EPHA5: variants seen among roughly 807,000 people sequenced by gnomAD.
EPHA5 encodes ephrin type-A receptor 5.
In EPHA5, 60 loss-of-function variants were observed where a neutral mutation model predicts 105.0. That is an observed-to-expected ratio of 0.57 (90% confidence interval 0.46 to 0.71). The LOEUF (loss-of-function observed/expected upper bound fraction) is 0.71, where lower values mean the gene tolerates loss of function less well. Ranked by LOEUF, EPHA5 falls within the 30% of genes least tolerant of loss-of-function variation. The pLI, the probability that EPHA5 is intolerant of heterozygous loss-of-function variation, is 0.00. For missense variants in EPHA5, 1,218 were observed against 1,274.7 expected (o/e 0.96, Z 0.68); for synonymous variants, 513 against 449.1 (o/e 1.14, Z -1.80).
intron 2 of EPHA5, among the ~76,000 whole-genome samples, chr4:65,607,224 C>T (rs1328631125): frequency 1.3e-5 from 2 of 151,772 alleles, no homozygotes; most frequent in African/African-American, 4.8e-5. Context: ...ACCATAAAAA[C>T]CCTAGAAGAA....
At chr4:65,551,276 G>GTA (rs1560685621) in intron 3 of EPHA5, among the ~76,000 whole-genome samples, 3 of 100,610 alleles carry the variant, frequency 3.0e-5, no homozygotes, top group African/African-American at 1.2e-4. Flanking sequence ...GTGTGTGTGT[G>GTA]TGTGTATATA....
chr4:65,381,831 T>C (rs1485307220), intron 8 of EPHA5, among the ~76,000 whole-genome samples: 1 of 151,590 alleles, frequency 6.6e-6, no homozygotes, highest in Non-Finnish European at 1.5e-5. Context: ...CCTTGTCCCT[T>C]CCCTCCATAT....
At chr4:65,526,224 T>C (rs1014134357) in intron 3 of EPHA5, among the ~76,000 whole-genome samples, 1 of 151,892 alleles carries the variant, frequency 6.6e-6, no homozygotes, top group African/African-American at 2.4e-5. Flanking sequence ...AGGACTATAA[T>C]TGTCCCAGAC....
intron 2 of EPHA5, among the ~76,000 whole-genome samples, chr4:65,637,836 C>A (rs1747287683): frequency 6.6e-6 from 1 of 151,642 alleles, no homozygotes. Flanking sequence ...TATTACAAGC[C>A]AGAAATTGAG....
chr4:65,563,008 A>C (rs1739174718), intron 3 of EPHA5, among the ~76,000 whole-genome samples: 2 of 151,888 alleles, frequency 1.3e-5, no homozygotes, highest in Non-Finnish European at 1.5e-5. Context: ...ATAAGGATAA[A>C]ATAAATATAC....
chr4:65,513,098 G>A (rs926158850), intron 3 of EPHA5, among the ~76,000 whole-genome samples: 1 of 152,070 alleles, frequency 6.6e-6, no homozygotes. Context: ...TAGGAAATAT[G>A]GCATTTGGGA....
chr4:65,456,788 T>A (rs1727642419), intron 5 of EPHA5, among the ~76,000 whole-genome samples: 1 of 152,014 alleles, frequency 6.6e-6, no homozygotes. Context: ...CTATCCACTT[T>A]CCCAGAGGTG....
At chr4:65,555,040 G>GT (rs1229342625) in intron 3 of EPHA5, among the ~76,000 whole-genome samples, 1 of 137,480 alleles carries the variant, frequency 7.3e-6, no homozygotes. Flanking sequence ...TTTTAAGGAA[G>GT]TTTTGTCTTC....
chr4:65,649,136 A>G lies in EPHA5; in HGVS notation c.182-5709T>C, dbSNP rs533892519. ...TGCATAGTCTTTTTTAGAGAAAAGA[A>G]GAATGAATATGGGGAAATAACTTGG... On this transcript the variant is annotated intron_variant, in intron 1 of 16. Coordinates refer to ENST00000613740, the MANE Select transcript of EPHA5 (RefSeq NM_001281766.3). Among the ~76,000 whole-genome samples, 4 of 152,336 alleles carry G rather than the reference A, an allele frequency of 2.6e-5. No individual in the cohort carries two copies. In the South Asian group the frequency reaches 6.2e-4, roughly 24 times the overall value.
intron 11 of EPHA5, among the ~76,000 whole-genome samples, chr4:65,363,516 G>A (rs910640222): frequency 1.3e-5 from 2 of 151,480 alleles, no homozygotes. Context: ...TCATTATGAA[G>A]GGTAGATTGG....
intron 8 of EPHA5, among the ~76,000 whole-genome samples, chr4:65,387,989 C>A (rs1265336147): frequency 5.4e-5 from 5 of 92,376 alleles, no homozygotes; most frequent in African/African-American, 1.3e-4. Context: ...CACAACAGTT[C>A]CCAGAGTGTG....
At chr4:65,649,517 C>A (rs1454740184) in intron 1 of EPHA5, among the ~76,000 whole-genome samples, 1 of 152,108 alleles carries the variant, frequency 6.6e-6, no homozygotes, top group Admixed American at 6.5e-5. Flanking sequence ...GTATATTAAC[C>A]ACAAAGTATT....
At chr4:65,535,394 C>A (rs1425610304) in intron 3 of EPHA5, among the ~76,000 whole-genome samples, 2 of 152,058 alleles carry the variant, frequency 1.3e-5, no homozygotes, top group Non-Finnish European at 1.5e-5. Context: ...TGACTGCCCG[C>A]ACGTAGTTGA....
intron 11 of EPHA5, among the ~76,000 whole-genome samples, chr4:65,361,931 CA>C (rs1387647164): frequency 1.3e-4 from 19 of 151,520 alleles, no homozygotes; most frequent in African/African-American, 4.6e-4. Flanking sequence ...AAGGATGCTG[CA>C]GTGAAAAAAT....
intron 3 of EPHA5, among the ~76,000 whole-genome samples, chr4:65,591,257 A>G (rs1308726333): frequency 6.6e-6 from 1 of 152,108 alleles, no homozygotes; most frequent in East Asian, 1.9e-4. Context: ...CATCTGTATT[A>G]TATCTTCATT....
intron 11 of EPHA5, among the ~76,000 whole-genome samples, chr4:65,358,942 T>A (rs1723563284): frequency 6.6e-6 from 1 of 151,614 alleles, no homozygotes; most frequent in Non-Finnish European, 1.5e-5. Flanking sequence ...CTAGAATTGC[T>A]CTTACATTAG....
chr4:65,628,906 A>T (rs1465427982), intron 2 of EPHA5, among the ~76,000 whole-genome samples: 1 of 152,148 alleles, frequency 6.6e-6, no homozygotes, highest in African/African-American at 2.4e-5. Flanking sequence ...CAGCCTTGGC[A>T]GCTGTCCTGT....
chr4:65,516,442 G>C (rs13149946), intron 3 of EPHA5, among the ~76,000 whole-genome samples: 1 of 148,036 alleles, frequency 6.8e-6, no homozygotes, highest in African/African-American at 2.5e-5. Context: ...AGGAGGAAGA[G>C]GAGAATGTTG....
At position 65,650,764 on chromosome 4, in the gene EPHA5, A is replaced by G; in HGVS notation, c.182-7337T>C. On this transcript the variant is annotated intron_variant, in intron 1 of 16. Transcript: ENST00000613740. ...TCCTTGCCATAATTTTTCACTTGAA[A>G]AATCTCCTAACTGCTCTCTCTGCAG... 1.3e-5 allele frequency among the ~76,000 whole-genome samples: 2 copies of G among 152,054 alleles called. 1 individual carries two copies. The highest frequency in any genetic ancestry group is 4.1e-4 in the South Asian group (2 of 4,828).
Sources: allele counts gnomAD v4.1 joint callset (sites outside exome capture counted in the v4.1 genomes callset), GRCh38; gene constraint gnomAD v4.1.1; transcripts MANE v1.5; gene names NCBI Gene and HGNC (gene_info 2026-07-23, HGNC 2026-07-21).